Variants in SMAP1 observed in about 807,000 individuals in gnomAD.
SMAP1 encodes the protein stromal membrane-associated protein 1.
In SMAP1, 24 loss-of-function variants were observed where a neutral mutation model predicts 58.5. The ratio of observed to expected loss-of-function variants is 0.41; its 90% CI spans 0.30 to 0.58. The LOEUF (loss-of-function observed/expected upper bound fraction) is 0.58. SMAP1 is among the 20% of genes least tolerant of loss of function. The pLI is 0.29. For missense variants in SMAP1, 563 were observed against 566.3 expected (o/e 0.99, Z 0.06); for synonymous variants, 216 against 196.6 (o/e 1.10, Z -0.82).
At chr6:70,716,590 A>G (rs1411147218) in intron 1 of SMAP1, among the ~76,000 whole-genome samples, 1 of 151,862 alleles carries the variant, frequency 6.6e-6, no homozygotes. Context: ...TTCAGATTGG[A>G]TGATTTCCAG....
intron 1 of SMAP1, among the ~76,000 whole-genome samples, chr6:70,697,071 C>T (rs1237806205): frequency 6.6e-6 from 1 of 152,084 alleles, no homozygotes; most frequent in African/African-American, 2.4e-5. Flanking sequence ...TTTCTATTTG[C>T]ATGCAGTATC....
intron 7 of SMAP1, among the ~76,000 whole-genome samples, chr6:70,838,644 A>G (rs1171341752): frequency 6.6e-6 from 1 of 151,996 alleles, no homozygotes; most frequent in African/African-American, 2.4e-5. Context: ...CTTCAGTAGG[A>G]GCCTACTTGA....
intron 3 of SMAP1, among the ~76,000 whole-genome samples, chr6:70,768,550 C>T (rs1000729610): frequency 3.3e-5 from 5 of 152,016 alleles, no homozygotes; most frequent in African/African-American, 9.7e-5. Context: ...AGGTGTTTGT[C>T]GTATTCTCTG....
At chr6:70,673,416 G>A (rs1349625833) in intron 1 of SMAP1, among the ~76,000 whole-genome samples, 5 of 152,160 alleles carry the variant, frequency 3.3e-5, no homozygotes, top group African/African-American at 1.2e-4. Context: ...TCCTAATTAT[G>A]TCCAATACCT....
intron 3 of SMAP1, among the ~76,000 whole-genome samples, chr6:70,765,867 G>A (rs949502324): frequency 6.6e-6 from 1 of 151,624 alleles, no homozygotes; most frequent in Non-Finnish European, 1.5e-5. Context: ...TTAGCATTAG[G>A]TATATCTCCT....
chr6:70,838,507 TA>T (rs1358404856), intron 7 of SMAP1, among the ~76,000 whole-genome samples: 11 of 152,200 alleles, frequency 7.2e-5, no homozygotes, highest in Non-Finnish European at 1.3e-4. Flanking sequence ...TGGATGGTTG[TA>T]ATTTTAAATA....
chr6:70,764,973 G>A (rs1426730523), intron 3 of SMAP1, among the ~76,000 whole-genome samples: 1 of 152,002 alleles, frequency 6.6e-6, no homozygotes, highest in Non-Finnish European at 1.5e-5. Context: ...GCTGATTTTT[G>A]TATTTTTTTG....
intron 1 of SMAP1, among the ~76,000 whole-genome samples, chr6:70,705,881 T>G (rs1754218957): frequency 6.6e-6 from 1 of 152,208 alleles, no homozygotes; most frequent in Non-Finnish European, 1.5e-5. Flanking sequence ...TCCATAGCCA[T>G]AAGCGTCTGA....
chr6:70,838,029 T>G, intron 7 of SMAP1: 5 of 730,920 alleles, frequency 6.8e-6, no homozygotes, highest in Non-Finnish European at 8.4e-6. Flanking sequence ...AAAAAATAAC[T>G]GTAATTTTGA....
chr6:70,837,881 A>C, intron 7 of SMAP1: 1 of 1,212,398 alleles, frequency 8.2e-7, no homozygotes. Flanking sequence ...CCTAGTTGTT[A>C]TTGAATAAAT....
chr6:70,861,744 G>A lies in SMAP1; in HGVS notation c.*1410G>A, dbSNP rs745563017. 1.8e-5 allele frequency: 29 copies of A among 1,613,914 alleles called. 1 individual carries two copies. The highest frequency in any genetic ancestry group is 5.0e-5 in the Admixed American group (3 of 59,980). ...CCTTCTCTGTCCGAGTGTGCCACACGAGAACCTGAAGGGGAAGGAAATAGC... is the reference window on the plus strand; with the variant it reads ...CCTTCTCTGTCCGAGTGTGCCACACAAGAACCTGAAGGGGAAGGAAATAGC... On this transcript the variant is annotated 3_prime_UTR_variant, in exon 11 of 11. Transcript: ENST00000370455.
At chr6:70,717,406 G>T (rs1296258384) in intron 1 of SMAP1, among the ~76,000 whole-genome samples, 2 of 152,194 alleles carry the variant, frequency 1.3e-5, no homozygotes, top group African/African-American at 4.8e-5. Context: ...AACTGCAAAA[G>T]TTGGGTCACT....
chr6:70,766,593 G>A (rs1236672116), intron 3 of SMAP1, among the ~76,000 whole-genome samples: 5 of 152,076 alleles, frequency 3.3e-5, no homozygotes, highest in African/African-American at 1.2e-4. Flanking sequence ...TGATGGGGTG[G>A]TTTGTTTTTT....
chr6:70,762,008 G>A (rs933537706), intron 3 of SMAP1, among the ~76,000 whole-genome samples: 2 of 151,878 alleles, frequency 1.3e-5, no homozygotes, highest in African/African-American at 2.4e-5. Flanking sequence ...AATAACTGCC[G>A]GTGTAATAAT....
chr6:70,726,269 C>G (rs965696683), intron 1 of SMAP1, among the ~76,000 whole-genome samples: 7 of 152,206 alleles, frequency 4.6e-5, no homozygotes, highest in African/African-American at 1.7e-4. Flanking sequence ...CAGCAGTAAC[C>G]CAGATGGCTC....
chr6:70,681,975 G>A (rs1200378800), intron 1 of SMAP1, among the ~76,000 whole-genome samples: 1 of 152,016 alleles, frequency 6.6e-6, no homozygotes, highest in African/African-American at 2.4e-5. Flanking sequence ...ATTAATGCAA[G>A]GTTTTGAGAA....
At chr6:70,671,423 A>G (rs529778717) in intron 1 of SMAP1, among the ~76,000 whole-genome samples, 1 of 152,236 alleles carries the variant, frequency 6.6e-6, no homozygotes, top group South Asian at 2.1e-4. Flanking sequence ...TACAAAAACC[A>G]TTAGCCAGGC....
chr6:70,677,933 A>G (rs1766552026), intron 1 of SMAP1, among the ~76,000 whole-genome samples: 1 of 152,098 alleles, frequency 6.6e-6, no homozygotes, highest in Admixed American at 6.5e-5. Context: ...GTTAGGTAGA[A>G]CTGTGTTTAA....
At chr6:70,784,568 C>A (rs893772604) in intron 4 of SMAP1, among the ~76,000 whole-genome samples, 1 of 152,148 alleles carries the variant, frequency 6.6e-6, no homozygotes, top group African/African-American at 2.4e-5. Context: ...ATCTCACATG[C>A]AGAGACACAC....
Sources: allele counts gnomAD v4.1 joint callset (sites outside exome capture counted in the v4.1 genomes callset), GRCh38; gene constraint gnomAD v4.1.1; transcripts MANE v1.5; gene names NCBI Gene and HGNC (gene_info 2026-07-23, HGNC 2026-07-21).